Variants in PRKCB observed in about 807,000 individuals in gnomAD.
PRKCB encodes protein kinase C beta type.
In PRKCB, 13 loss-of-function variants were observed where a neutral mutation model predicts 81.5. That is an observed-to-expected ratio of 0.16 (90% CI 0.10 to 0.25). The LOEUF (loss-of-function observed/expected upper bound fraction) is 0.25, where lower values mean the gene tolerates loss of function less well. Among genes scored for constraint, PRKCB ranks in the 10% least tolerant of loss-of-function variants. The probability of loss-of-function intolerance (pLI) is 1.00; values close to 1 mark genes in which losing one functional copy is unlikely to be tolerated. For missense variants in PRKCB, 509 were observed against 875.7 expected (o/e 0.58, Z 5.29); for synonymous variants, 335 against 321.4 (o/e 1.04, Z -0.45).
intron 2 of PRKCB, among the ~76,000 whole-genome samples, chr16:23,901,644 C>T (rs1963474187): frequency 6.6e-6 from 1 of 152,160 alleles, no homozygotes; most frequent in Admixed American, 6.5e-5. Flanking sequence ...TCTACCAGGC[C>T]TGCCCAGCAA....
chr16:23,976,148 G>GA (rs967364652), intron 2 of PRKCB, among the ~76,000 whole-genome samples: 7 of 151,264 alleles, frequency 4.6e-5, no homozygotes, highest in Admixed American at 1.3e-4. Context: ...CTCTACAAAA[G>GA]AAAAAAAAAT....
At chr16:23,954,785 C>T (rs1178256153) in intron 2 of PRKCB, among the ~76,000 whole-genome samples, 1 of 152,162 alleles carries the variant, frequency 6.6e-6, no homozygotes, top group Non-Finnish European at 1.5e-5. Flanking sequence ...GGTGTAGCGG[C>T]TCATGCCTGT....
chr16:24,162,400 C>G (rs558357458), intron 10 of PRKCB, among the ~76,000 whole-genome samples: 40 of 151,944 alleles, frequency 2.6e-4, no homozygotes, highest in East Asian at 2.5e-3. Context: ...TCCCCTGCCC[C>G]CCACCAAACT....
At chr16:24,148,024 A>C (rs1967020993) in intron 9 of PRKCB, among the ~76,000 whole-genome samples, 1 of 152,104 alleles carries the variant, frequency 6.6e-6, no homozygotes, top group African/African-American at 2.4e-5. Flanking sequence ...TGATTCTATT[A>C]GAGACAATTG....
intron 2 of PRKCB, among the ~76,000 whole-genome samples, chr16:23,977,101 A>G (rs937569478): frequency 1.3e-5 from 2 of 152,290 alleles, no homozygotes; most frequent in African/African-American, 2.4e-5. Context: ...GAAGTTTGCT[A>G]TCTCTTCCTC....
At chr16:24,043,802 G>A (rs899867707) in intron 5 of PRKCB, among the ~76,000 whole-genome samples, 3 of 152,220 alleles carry the variant, frequency 2.0e-5, no homozygotes, top group Admixed American at 6.5e-5. Flanking sequence ...AGTGGGCACT[G>A]CTGGGACCTG....
chr16:24,116,459 G>A (rs1966738755), intron 8 of PRKCB, among the ~76,000 whole-genome samples: 1 of 152,020 alleles, frequency 6.6e-6, no homozygotes, highest in Admixed American at 6.6e-5. Context: ...CAAATTCCTT[G>A]TCTTGAGCCT....
In PRKCB at chr16:24,219,655, A is replaced by C. The variant is rs925849193; in HGVS notation, c.*4839A>C. On this transcript the variant is annotated 3_prime_UTR_variant, in exon 17 of 17. Transcript: ENST00000643927. ...ATCCTAAAGCCAAAGAAAATACAGCAACACACACACACACACACACACACA... is the reference window on the plus strand; with the variant it reads ...ATCCTAAAGCCAAAGAAAATACAGCCACACACACACACACACACACACACA... The C allele has an allele frequency of 1.3e-6, 1 of 740,954 alleles. No homozygotes were observed. Among genetic ancestry groups the C allele is most frequent in the Non-Finnish European group, 1.6e-6 (1 of 627,048 alleles). The allele number at this position is 740,954 out of a possible 1,614,324, so 45.9% of individuals were successfully genotyped here.
intron 2 of PRKCB, among the ~76,000 whole-genome samples, chr16:23,915,689 C>CAAAAAAAAAAAAAAAAAAAA (rs71154259): frequency 1.8e-5 from 1 of 54,546 alleles, no homozygotes; most frequent in African/African-American, 7.6e-5. Context: ...GACTCTCTAT[C>CAAAAAAAAAAAAAAAAAAAA]AAAAAAAAAA....
chr16:23,857,996 T>C (rs1323818547), intron 2 of PRKCB, among the ~76,000 whole-genome samples: 4 of 152,116 alleles, frequency 2.6e-5, no homozygotes, highest in Non-Finnish European at 5.9e-5. Context: ...GCACAAAGAA[T>C]TGAGAAATTT....
chr16:23,853,332 ACCCCAGGGTCCT>A (rs1962505318), intron 2 of PRKCB, among the ~76,000 whole-genome samples: 1 of 152,168 alleles, frequency 6.6e-6, no homozygotes, highest in Non-Finnish European at 1.5e-5. Context: ...GTCACACAGG[ACCCCAGGGTCCT>A]CCCCATTGGG....
At chr16:23,913,903 C>T (rs186778699) in intron 2 of PRKCB, among the ~76,000 whole-genome samples, 1 of 152,222 alleles carries the variant, frequency 6.6e-6, no homozygotes. Flanking sequence ...AGCTGTGCCC[C>T]CTGTGTGCCA....
Position 24,063,583 on chromosome 16 carries a change from C to G in PRKCB, c.529+28036C>G, listed in dbSNP as rs560570128. Among the ~76,000 whole-genome samples, 241 of 152,286 alleles carry G rather than the reference C, an allele frequency of 1.6e-3. 2 individuals are homozygous for G. Among genetic ancestry groups the G allele is most frequent in the African/African-American group, 5.5e-3 (227 of 41,568 alleles). ...GTGCTGGGATTACAGGCGTGAGTCA[C>G]CATGCCTGGCCACTGATGTACTTTC... is the stretch of plus-strand genomic sequence containing the variant. On this transcript the variant is annotated intron_variant, in intron 5 of 16. Transcript: ENST00000643927.
At chr16:23,875,501 A>AATG (rs1567298278) in intron 2 of PRKCB, among the ~76,000 whole-genome samples, 3 of 7,164 alleles carry the variant, frequency 4.2e-4, no homozygotes, top group South Asian at 2.6e-3. Flanking sequence ...ATATATATAT[A>AATG]TATATGATGT....
chr16:23,918,422 AG>A (rs1166826314), intron 2 of PRKCB, among the ~76,000 whole-genome samples: 2 of 151,450 alleles, frequency 1.3e-5, no homozygotes, highest in Non-Finnish European at 1.5e-5. Context: ...TTTGAAATAG[AG>A]TTTCACTCTG....
intron 2 of PRKCB, among the ~76,000 whole-genome samples, chr16:23,935,184 C>T (rs957881456): frequency 6.6e-6 from 1 of 152,122 alleles, no homozygotes; most frequent in South Asian, 2.1e-4. Context: ...CTTTTAAATG[C>T]CCCAATGCCC....
chr16:23,944,410 T>C (rs1328466471), intron 2 of PRKCB, among the ~76,000 whole-genome samples: 1 of 152,154 alleles, frequency 6.6e-6, no homozygotes, highest in Non-Finnish European at 1.5e-5. Flanking sequence ...AGTTAAATCT[T>C]TAGATTTTTT....
chr16:23,934,318 GTTTTT>G lies in PRKCB; in HGVS notation c.206-54176_206-54172del, dbSNP rs3073130. On this transcript the variant is annotated intron_variant, in intron 2 of 16. Transcript: ENST00000643927. The stretch of plus-strand genomic sequence containing the variant: ...TTTTTAGGCATTGAGGAAAAAAGCT[GTTTTT>G]TTTTTTTTTTTTTGACATTAAAAGC... Among the ~76,000 whole-genome samples the G allele has an allele frequency of 3.8e-3, 514 of 135,092 alleles. 1 individual carries two copies. Among genetic ancestry groups the G allele is most frequent in the East Asian group, 0.011 (52 of 4,562 alleles). The allele number at this position is 135,092 out of a possible 152,430, so 88.6% of individuals were successfully genotyped here.
chr16:23,896,403 TGA>T (rs1369995086), intron 2 of PRKCB, among the ~76,000 whole-genome samples: 1 of 152,206 alleles, frequency 6.6e-6, no homozygotes, highest in Non-Finnish European at 1.5e-5. Context: ...TGCTAGGGTC[TGA>T]GAGAAACGTA....
Sources: gnomAD v4.1 joint callset for allele counts (sites outside exome capture counted in the v4.1 genomes callset) on GRCh38, gnomAD v4.1.1 for gene constraint, MANE v1.5 for transcripts, NCBI Gene and HGNC (gene_info 2026-07-23, HGNC 2026-07-21) for gene names.